Variants in CSMD3 observed in about 807,000 individuals in gnomAD.
CSMD3 encodes CUB and sushi domain-containing protein 3.
Under a neutral mutation model 435.2 loss-of-function variants are expected in CSMD3, and 177 were observed. The ratio of observed to expected loss-of-function variants is 0.41; its 90% CI spans 0.36 to 0.46. The LOEUF (loss-of-function observed/expected upper bound fraction) is 0.46, where lower values mean the gene tolerates loss of function less well. Among genes scored for constraint, CSMD3 ranks in the 20% least tolerant of loss-of-function variants. The pLI is 0.34. For missense variants in CSMD3, 4,265 were observed against 4,504.6 expected, an observed-to-expected ratio of 0.95 and a Z score of 1.52; for synonymous variants, 1,656 against 1,520.5, an observed-to-expected ratio of 1.09 and a Z score of -2.07.
chr8:113,073,005 T>C (rs1185365391), intron 5 of CSMD3, among the ~76,000 whole-genome samples: 1 of 144,168 alleles, frequency 6.9e-6, no homozygotes, highest in African/African-American at 2.7e-5. Context: ...AAATCATTAT[T>C]CATACCCCCA....
chr8:113,206,447 AT>A (rs2092772082), intron 3 of CSMD3, among the ~76,000 whole-genome samples: 1 of 152,128 alleles, frequency 6.6e-6, no homozygotes, highest in African/African-American at 2.4e-5. Flanking sequence ...CCATGTGCAT[AT>A]TCTATTTTTT....
At chr8:112,777,455 T>C (rs1350272300) in intron 13 of CSMD3, among the ~76,000 whole-genome samples, 1 of 151,858 alleles carries the variant, frequency 6.6e-6, no homozygotes, top group Admixed American at 6.6e-5. Flanking sequence ...TTGTTGATGA[T>C]ATTATTTATG....
chr8:113,070,249 C>G (rs1456221000), intron 5 of CSMD3, among the ~76,000 whole-genome samples: 1 of 151,914 alleles, frequency 6.6e-6, no homozygotes, highest in Non-Finnish European at 1.5e-5. Context: ...TTCCACAGGC[C>G]ATAACTCTTT....
At chr8:113,078,593 C>A (rs1238134747) in intron 5 of CSMD3, among the ~76,000 whole-genome samples, 1 of 152,112 alleles carries the variant, frequency 6.6e-6, no homozygotes, top group African/African-American at 2.4e-5. Flanking sequence ...TTTGCTCTTA[C>A]ATAAATTTGG....
chr8:112,785,265 G>C (rs1000129837), intron 13 of CSMD3, among the ~76,000 whole-genome samples: 1 of 151,702 alleles, frequency 6.6e-6, no homozygotes, highest in Non-Finnish European at 1.5e-5. Flanking sequence ...TACATCAACA[G>C]AATAAAAGCC....
At chr8:112,569,778 T>C (rs918754683) in intron 24 of CSMD3, among the ~76,000 whole-genome samples, 1 of 152,200 alleles carries the variant, frequency 6.6e-6, no homozygotes, top group African/African-American at 2.4e-5. Flanking sequence ...TTTCCTTGAA[T>C]GTTCTTCCTA....
intron 5 of CSMD3, among the ~76,000 whole-genome samples, chr8:113,059,646 TTGTA>T (rs1217848169): frequency 1.3e-5 from 2 of 152,194 alleles, no homozygotes; most frequent in African/African-American, 4.8e-5. Flanking sequence ...GAGGTTATGG[TTGTA>T]TGTAAGATGC....
chr8:112,643,117 T>C (rs930582940), intron 20 of CSMD3, among the ~76,000 whole-genome samples: 1 of 152,114 alleles, frequency 6.6e-6, no homozygotes, highest in Non-Finnish European at 1.5e-5. Flanking sequence ...AGTCTCAGAA[T>C]GGTGAGTTGA....
intron 63 of CSMD3, among the ~76,000 whole-genome samples, chr8:112,247,406 T>G (rs1814841496): frequency 6.6e-6 from 1 of 151,962 alleles, no homozygotes; most frequent in Admixed American, 6.6e-5. Flanking sequence ...TTGAAGAAAA[T>G]ATTTAAGACA....
intron 38 of CSMD3, among the ~76,000 whole-genome samples, chr8:112,363,599 T>C (rs28641175): frequency 0.04 from 6,145 of 151,890 alleles, 142 homozygotes; most frequent in African/African-American, 0.047. Context: ...ACTAGAGAAA[T>C]GTATGAAGAC....
In CSMD3 at chr8:112,301,859, C is replaced by A. The variant is rs778443526; in HGVS notation, c.8374G>T (p.Val2792Leu). The A allele has an allele frequency of 8.1e-6, 13 of 1,613,770 alleles. No individual in the cohort carries two copies. Among genetic ancestry groups the A allele is most frequent in the Non-Finnish European group, 9.3e-6 (11 of 1,179,844 alleles). The change falls in exon 53 of 71, where the codon GTG (valine) becomes TTG (leucine). Residue 2792 changes from valine (V) to leucine (L), a missense_variant. Physicochemically the swap from Val to Leu is conservative, Grantham distance 32. This residue lies in a region of CSMD3 where 3,255 missense variants were observed against 3,380.2 expected (regional missense o/e 0.96). Coordinates refer to ENST00000297405, the MANE Select transcript of CSMD3 (RefSeq NM_198123.2). ...AGGCATTCCCTTACAGCAGAGCCCA[C>A]AAGCATGAATCCCAAGTCGCAGGTA... ...IFTCDLGFML[V>L]GSAVRECLSS...
At chr8:112,777,497 G>A (rs1037713629) in intron 13 of CSMD3, among the ~76,000 whole-genome samples, 1 of 151,638 alleles carries the variant, frequency 6.6e-6, no homozygotes, top group Admixed American at 6.6e-5. Flanking sequence ...GTTCAAACAC[G>A]ATTATTTTAA....
At chr8:112,954,495 A>T (rs2083939064) in intron 8 of CSMD3, among the ~76,000 whole-genome samples, 189 bp downstream of exon 8, 1 of 151,724 alleles carries the variant, frequency 6.6e-6, no homozygotes, top group Admixed American at 6.6e-5. Flanking sequence ...GGAGTTTGCC[A>T]CGTTAATCCA....
Position 112,905,784 on chromosome 8 carries a change from C to T in CSMD3, c.1633+15843G>A, listed in dbSNP as rs533948042. Among the ~76,000 whole-genome samples, 95 of 151,566 alleles carry T rather than the reference C, an allele frequency of 6.3e-4. 1 individual carries two copies. In the South Asian group the frequency reaches 0.019, roughly 30 times the overall value. On this transcript the variant is annotated intron_variant, in intron 10 of 70. Coordinates refer to ENST00000297405, the MANE Select transcript of CSMD3 (RefSeq NM_198123.2). ...CTTTTGTTGTGAGTAGTAAAGTATGCTTCGTCTCTGACCTACGAGTCTTTG... is the reference window on the plus strand; with the variant it reads ...CTTTTGTTGTGAGTAGTAAAGTATGTTTCGTCTCTGACCTACGAGTCTTTG...
At chr8:113,068,113 G>A (rs2088942202) in intron 5 of CSMD3, among the ~76,000 whole-genome samples, 1 of 152,134 alleles carries the variant, frequency 6.6e-6, no homozygotes, top group Admixed American at 6.6e-5. Flanking sequence ...TATAAAAAGA[G>A]TTCTGTATAA....
At chr8:112,561,388 C>T (rs1447278553) in intron 24 of CSMD3, among the ~76,000 whole-genome samples, 1 of 151,566 alleles carries the variant, frequency 6.6e-6, no homozygotes, top group African/African-American at 2.4e-5. Context: ...ATACCTTAAA[C>T]TGAGATTTCA....
At chr8:113,294,508 T>C (rs888190292) in intron 2 of CSMD3, among the ~76,000 whole-genome samples, 5 of 152,158 alleles carry the variant, frequency 3.3e-5, no homozygotes, top group Admixed American at 6.6e-5. Context: ...ACTTTCTTTT[T>C]GCTGTTCTGC....
At chr8:113,246,592 T>C (rs1034694129) in intron 3 of CSMD3, among the ~76,000 whole-genome samples, 20 of 152,162 alleles carry the variant, frequency 1.3e-4, no homozygotes, top group African/African-American at 4.8e-4. Context: ...TAATTTCTAT[T>C]AACTACTTTT....
chr8:112,341,424 C>A (rs1445744315), intron 42 of CSMD3, 53 bp downstream of exon 42: 1 of 1,120,842 alleles, frequency 8.9e-7, no homozygotes, highest in South Asian at 1.3e-5. Flanking sequence ...TTAAATATTT[C>A]TAATAGCTGA....
Sources: gnomAD v4.1 joint callset for allele counts (sites outside exome capture counted in the v4.1 genomes callset) on GRCh38, gnomAD v4.1.1 for gene constraint, gnomAD v4.1.1 regional missense constraint, MANE v1.5 for transcripts, NCBI Gene and HGNC (gene_info 2026-07-23, HGNC 2026-07-21) for gene names.